Variants in LRRK1 observed in about 807,000 individuals in gnomAD.
The protein encoded by LRRK1 is leucine rich repeat kinase 1, also known as leucine-rich repeat serine/threonine-protein kinase 1.
In LRRK1, 113 loss-of-function variants were observed where a neutral mutation model predicts 209.1. That is an observed-to-expected ratio of 0.54 (90% CI 0.46 to 0.63). The LOEUF (loss-of-function observed/expected upper bound fraction) is 0.63. Ranked by LOEUF, LRRK1 falls within the 30% of genes least tolerant of loss-of-function variation. LRRK1 has a pLI of 0.00. For missense variants in LRRK1, 2,284 were observed against 2,632.2 expected, an observed-to-expected ratio of 0.87 and a Z score of 2.89; for synonymous variants, 1,144 against 1,099.7, an observed-to-expected ratio of 1.04 and a Z score of -0.80.
intron 2 of LRRK1, among the ~76,000 whole-genome samples, chr15:100,942,108 C>T (rs1268215311): frequency 1.3e-5 from 2 of 152,234 alleles, no homozygotes. Context: ...CAGCCGGGCT[C>T]AGCCTACTGT....
chr15:100,977,689 C>G (rs1233122144), intron 3 of LRRK1, among the ~76,000 whole-genome samples: 1 of 152,170 alleles, frequency 6.6e-6, no homozygotes, highest in African/African-American at 2.4e-5. Flanking sequence ...AGATTTCCAC[C>G]CCACCAGGCA....
At chr15:100,987,493 G>T (rs1325868859) in intron 4 of LRRK1, among the ~76,000 whole-genome samples, 1 of 152,168 alleles carries the variant, frequency 6.6e-6, no homozygotes, top group Non-Finnish European at 1.5e-5. Flanking sequence ...TAAGTAGGTG[G>T]TTCTACTGGG....
intron 6 of LRRK1, among the ~76,000 whole-genome samples, chr15:100,997,880 G>A (rs2032490925): frequency 6.6e-6 from 1 of 152,180 alleles, no homozygotes; most frequent in African/African-American, 2.4e-5. Flanking sequence ...AGACATGGGG[G>A]AAAGAAACCA....
At position 101,069,424 on chromosome 15, in the gene LRRK1, A is replaced by G. The variant is rs1377302254; in HGVS notation, c.*576A>G. 2 of 152,508 alleles carry G rather than the reference A, an allele frequency of 1.3e-5. No homozygotes were observed. Among genetic ancestry groups the G allele is most frequent in the Non-Finnish European group, 1.5e-5 (1 of 68,170 alleles). The allele number at this position is 152,508 out of a possible 1,614,324, so 9.4% of individuals were successfully genotyped here. A position where few individuals can be genotyped will look rare whatever the true frequency, so the allele number is the denominator to read the frequency against. ...GTTCGGGAAGGTCTCCGTGTGGGAA[A>G]GCCCTTGGGGGATCCCGGGTGAGGA... On this transcript the variant is annotated 3_prime_UTR_variant, in exon 34 of 34. Coordinates refer to ENST00000388948, the MANE Select transcript of LRRK1 (RefSeq NM_024652.6).
At chr15:101,025,848 G>T (rs905364264) in intron 16 of LRRK1, 117 bp from the exon 17 acceptor site, 5 of 1,031,182 alleles carry the variant, frequency 4.8e-6, no homozygotes, top group Non-Finnish European at 7.2e-6. Flanking sequence ...CTGCAGATTG[G>T]TGGCTGAGCA....
chr15:100,937,511 G>GTTTA (rs947553712), intron 2 of LRRK1, among the ~76,000 whole-genome samples: 5 of 148,992 alleles, frequency 3.4e-5, no homozygotes, highest in African/African-American at 7.6e-5. Flanking sequence ...TTTTTAAAAT[G>GTTTA]TTTATTTATT....
intron 24 of LRRK1, among the ~76,000 whole-genome samples, chr15:101,052,430 C>T (rs1285526808): frequency 1.9e-5 from 2 of 102,588 alleles, no homozygotes; most frequent in Non-Finnish European, 4.1e-5. Context: ...AGCCCTAGCG[C>T]TGAGCTCCCA....
At position 101,022,220 on chromosome 15, in the gene LRRK1, A is replaced by G. The variant is rs74040247; in HGVS notation, c.1853-163A>G. 17,944 of 717,844 alleles carry G rather than the reference A, an allele frequency of 0.025. 2,172 individuals are homozygous for G. In the African/African-American group the frequency reaches 0.27, roughly 11 times the overall value. 44.5% of individuals were successfully genotyped at this position (717,844 alleles called of 1,614,324 possible). A position where few individuals can be genotyped will look rare whatever the true frequency, so the allele number is the denominator to read the frequency against. The stretch of plus-strand genomic sequence containing the variant: ...TTCTTGCCTCTTAGAGTTCGCTTTT[A>G]GGGTGGTTAGTGTCATGCCTTCCCT... On this transcript the variant is annotated intron_variant, in intron 14 of 33. Transcript: ENST00000388948. The surrounding 1 kb of genome is among the most constrained non-coding windows in gnomAD (Gnocchi z 4.0).
intron 2 of LRRK1, among the ~76,000 whole-genome samples, chr15:100,955,783 A>G (rs912872296): frequency 6.6e-6 from 1 of 152,044 alleles, no homozygotes; most frequent in African/African-American, 2.4e-5. Context: ...AATGTGGTGT[A>G]TCGTGTCTGT....
intron 10 of LRRK1, 121 bp from the exon 11 acceptor site, chr15:101,014,195 A>G: frequency 1.4e-6 from 1 of 710,652 alleles, no homozygotes; most frequent in South Asian, 1.8e-5. Context: ...ATCTGCGTGA[A>G]GGAAAATTGG....
In LRRK1 at chr15:101,068,920, C is replaced by A. The variant is rs2036677884; in HGVS notation, c.*72C>A. 7.1e-7 allele frequency: 1 copy of A among 1,417,286 alleles called. No homozygotes were observed. Among genetic ancestry groups the A allele is most frequent in the African/African-American group, 1.4e-5 (1 of 69,618 alleles). The allele number at this position is 1,417,286 out of a possible 1,614,324, so 87.8% of individuals were successfully genotyped here. On this transcript the variant is annotated 3_prime_UTR_variant, in exon 34 of 34. Transcript: ENST00000388948. ...TGCAGCCTGACCCCTCTGCCATCGGCCTCTAGTTCTCCAAGGACCTAGAAG... is the reference window on the plus strand; with the variant it reads ...TGCAGCCTGACCCCTCTGCCATCGGACTCTAGTTCTCCAAGGACCTAGAAG...
At chr15:100,950,476 A>G (rs183950226) in intron 2 of LRRK1, among the ~76,000 whole-genome samples, 9 of 152,354 alleles carry the variant, frequency 5.9e-5, no homozygotes, top group Admixed American at 4.6e-4. Context: ...AATTCTTACA[A>G]AAATGGCAAG....
chr15:101,062,380 G>A, intron 30 of LRRK1, 194 bp from the exon 31 acceptor site: 1 of 540,656 alleles, frequency 1.8e-6, no homozygotes, highest in Non-Finnish European at 3.3e-6. Context: ...TTCCTCTTTA[G>A]ACTAGTCTGT....
chr15:101,019,822 A>G, intron 12 of LRRK1, among the ~76,000 whole-genome samples: 1 of 152,136 alleles, frequency 6.6e-6, no homozygotes, highest in Non-Finnish European at 1.5e-5. Flanking sequence ...AGGGAGGATA[A>G]AGGCACTTCA....
chr15:101,020,946 C>A, intron 12 of LRRK1, 107 bp from the exon 13 acceptor site: 1 of 1,295,640 alleles, frequency 7.7e-7, no homozygotes, highest in Non-Finnish European at 1.1e-6. Context: ...ATAGGCTTGC[C>A]AAAATGCCCT....
At chr15:100,946,958 CTT>C (rs1402323084) in intron 2 of LRRK1, among the ~76,000 whole-genome samples, 1 of 152,096 alleles carries the variant, frequency 6.6e-6, no homozygotes, top group Non-Finnish European at 1.5e-5. Flanking sequence ...TTCCAATTTT[CTT>C]TCTTTCTTTT....
intron 2 of LRRK1, among the ~76,000 whole-genome samples, chr15:100,945,981 G>T (rs976922201): frequency 6.6e-6 from 1 of 152,102 alleles, no homozygotes; most frequent in African/African-American, 2.4e-5. Context: ...GAGGAAATAC[G>T]CTGCTTTTTT....
At chr15:100,948,536 A>G (rs942963010) in intron 2 of LRRK1, among the ~76,000 whole-genome samples, 1 of 152,100 alleles carries the variant, frequency 6.6e-6, no homozygotes, top group Non-Finnish European at 1.5e-5. Flanking sequence ...TTTTTTTCTA[A>G]GTCGCCATTT....
At chr15:100,986,546 A>G (rs1338956543) in intron 4 of LRRK1, among the ~76,000 whole-genome samples, 1 of 152,246 alleles carries the variant, frequency 6.6e-6, no homozygotes, top group Non-Finnish European at 1.5e-5. Context: ...GTACTCAGAC[A>G]CAGGTGTACG....
Sources: gnomAD v4.1 joint callset for allele counts (sites outside exome capture counted in the v4.1 genomes callset) on GRCh38, gnomAD v4.1.1 for gene constraint, Gnocchi (gnomAD v3.1) non-coding constraint, MANE v1.5 for transcripts, NCBI Gene and HGNC (gene_info 2026-07-23, HGNC 2026-07-21) for gene names.